NMS: variants seen among roughly 807,000 people sequenced by gnomAD.
NMS encodes the protein neuromedin S, also known as neuromedin-S.
Under a neutral mutation model 32.2 loss-of-function variants are expected in NMS, and 30 were observed. The observed-to-expected ratio is 0.93, with a 90% confidence interval of 0.70 to 1.26. The LOEUF is 1.26. Ranked by LOEUF, NMS falls within the 50% of genes most tolerant of loss-of-function variation. NMS has a pLI of 0.00. For missense variants in NMS, 190 were observed against 186.3 expected, an observed-to-expected ratio of 1.02 and a Z score of -0.12; for synonymous variants, 76 against 58.5, an observed-to-expected ratio of 1.30 and a Z score of -1.37.
intron 9 of NMS, 41 bp from the exon 10 acceptor site, chr2:100,483,211 T>C: frequency 2.5e-6 from 4 of 1,587,934 alleles, no homozygotes; most frequent in Non-Finnish European, 3.4e-6. Context: ...ATTCCGAGAA[T>C]GATTTGAACT....
chr2:100,473,620 A>C, intron 3 of NMS, 81 bp downstream of exon 3: 5 of 423,680 alleles, frequency 1.2e-5, no homozygotes, highest in African/African-American at 2.1e-5. Context: ...CTACAGGAGA[A>C]TGCTGTATGT....
chr2:100,482,232 G>A (rs1487631052), intron 8 of NMS, 45 bp from the exon 9 acceptor site: 2 of 1,591,220 alleles, frequency 1.3e-6, no homozygotes, highest in African/African-American at 2.7e-5. Context: ...ACAGGCTGCA[G>A]AAAGTTGTGT....
At position 100,472,828 on chromosome 2, in the gene NMS, G is replaced by A. The variant is rs752460974; in HGVS notation, c.110G>A (p.Gly37Asp). 2.5e-6 allele frequency: 4 copies of A among 1,610,992 alleles called. No homozygotes were observed. The Admixed American group carries it at 6.7e-5, about 27-fold the overall frequency. Residue 37 changes from glycine to aspartate, a missense_variant, in exon 2 of 10, where the codon GGC (glycine) becomes GAC (aspartate). Gly to Asp is a moderately conservative substitution (Grantham distance 94, BLOSUM62 -1). Transcript: ENST00000376865. ...FPQPLADPSD[G>D]LDIVQLEQLA... ...CAACCTTTAGCTGATCCTTCAGATG[G>A]CTTGGATATTGTGCAGCTTGAGGTA...
At position 100,483,276 on chromosome 2, in the gene NMS, AT is replaced by A; in HGVS notation, c.*13del. On this transcript the variant is annotated 3_prime_UTR_variant, in exon 10 of 10. Coordinates refer to ENST00000376865, the MANE Select transcript of NMS (RefSeq NM_001011717.1). ...GGATTCAGTGGTGAAAGAAAGCTGG[AT>A]CTGATGAGGCCTTCCAGGGATTATG... is the stretch of plus-strand genomic sequence containing the variant. The A allele has an allele frequency of 6.2e-7, 1 of 1,607,052 alleles. No individual in the cohort carries two copies. Among genetic ancestry groups the A allele is most frequent in the South Asian group, 1.1e-5 (1 of 90,706 alleles).
chr2:100,481,074 A>G, intron 7 of NMS, 52 bp from the exon 8 acceptor site: 1 of 1,592,736 alleles, frequency 6.3e-7, no homozygotes, highest in South Asian at 1.1e-5. Context: ...ATTTTTGAAG[A>G]ACTTGTAATG....
At chr2:100,472,128 C>G (rs558583849) in intron 1 of NMS, among the ~76,000 whole-genome samples, 1 of 152,324 alleles carries the variant, frequency 6.6e-6, no homozygotes, top group Non-Finnish European at 1.5e-5. Context: ...ATTCCCTGTT[C>G]CACACATTAA....
chr2:100,480,425 A>T, intron 6 of NMS, 71 bp from the exon 7 acceptor site: 2 of 1,487,128 alleles, frequency 1.3e-6, no homozygotes, highest in South Asian at 1.1e-5. Context: ...GGAGGGCAGG[A>T]TCACTGCAAG....
chr2:100,480,653 C>T (rs570564677), intron 7 of NMS, 122 bp downstream of exon 7: 18 of 908,938 alleles, frequency 2.0e-5, no homozygotes, highest in Non-Finnish European at 2.2e-5. Context: ...AGCTGGTCTC[C>T]AAAGGACCCT....
At chr2:100,477,327 C>T (rs771740074) in intron 4 of NMS, 34 bp from the exon 5 acceptor site, 2 of 1,607,156 alleles carry the variant, frequency 1.2e-6, no homozygotes, top group East Asian at 2.2e-5. Flanking sequence ...GCAAGTGACA[C>T]TCGATACTAA....
chr2:100,471,415 C>T (rs1677004552), intron 1 of NMS, among the ~76,000 whole-genome samples: 1 of 152,180 alleles, frequency 6.6e-6, no homozygotes, highest in African/African-American at 2.4e-5. Context: ...CCATGAAGGT[C>T]ATCTGGTTTA....
At chr2:100,472,921 C>A in intron 2 of NMS, 71 bp downstream of exon 2, 1 of 976,468 alleles carries the variant, frequency 1.0e-6, no homozygotes, top group South Asian at 1.5e-5. Flanking sequence ...GTATAATGTT[C>A]ACTTAAAACT....
At chr2:100,477,842 G>A (rs1677141199) in intron 5 of NMS, among the ~76,000 whole-genome samples, 1 of 152,164 alleles carries the variant, frequency 6.6e-6, no homozygotes, top group African/African-American at 2.4e-5. Context: ...ATGTGTATGT[G>A]CAAAGGGAAT....
At chr2:100,474,332 C>T (rs889879412) in intron 3 of NMS, among the ~76,000 whole-genome samples, 2 of 151,048 alleles carry the variant, frequency 1.3e-5, no homozygotes, top group East Asian at 1.9e-4. Flanking sequence ...CTTTATCCCT[C>T]ACCTCCCCCA....
intron 2 of NMS, 68 bp from the exon 3 acceptor site, chr2:100,473,421 C>A: frequency 2.5e-6 from 2 of 800,158 alleles, no homozygotes; most frequent in Non-Finnish European, 3.9e-6. Flanking sequence ...TATTTGATTA[C>A]CCATTAATCA....
At chr2:100,474,929 T>G (rs1183758597) in intron 3 of NMS, among the ~76,000 whole-genome samples, 2 of 152,188 alleles carry the variant, frequency 1.3e-5, no homozygotes, top group African/African-American at 4.8e-5. Flanking sequence ...CCTTTGTTAC[T>G]TCCTCCACAT....
In NMS at chr2:100,479,433, T is replaced by A. The variant is rs528767391; in HGVS notation, c.336+6T>A. 6.8e-6 allele frequency: 11 copies of A among 1,608,358 alleles called. No individual in the cohort carries two copies. The highest frequency in any genetic ancestry group is 8.5e-6 in the Non-Finnish European group (10 of 1,176,996). ...TGAAGAGAATTCTGCAGCGAGTACG[T>A]GCTTTTATTCTTCCACCATAGTTTA... On this transcript the variant is annotated splice_donor_region_variant and intron_variant, in intron 6 of 9. Coordinates refer to ENST00000376865, the MANE Select transcript of NMS (RefSeq NM_001011717.1).
intron 1 of NMS, among the ~76,000 whole-genome samples, chr2:100,471,124 A>G (rs1382840250): frequency 2.6e-5 from 4 of 152,306 alleles, no homozygotes; most frequent in African/African-American, 9.6e-5. Flanking sequence ...GGGTGCGGGC[A>G]TCGCCTCACC....
chr2:100,482,795 T>G (rs988092330), intron 9 of NMS, among the ~76,000 whole-genome samples: 9 of 152,216 alleles, frequency 5.9e-5, no homozygotes, highest in Admixed American at 1.3e-4. Context: ...ATCCAGAGTT[T>G]TAATCTGGAA....
intron 8 of NMS, among the ~76,000 whole-genome samples, chr2:100,481,606 G>A (rs539710815): frequency 6.6e-6 from 1 of 152,278 alleles, no homozygotes; most frequent in East Asian, 1.9e-4. Context: ...TTCACTAGCT[G>A]TGCTCCACCC....
Sources: gnomAD v4.1 joint callset for allele counts (sites outside exome capture counted in the v4.1 genomes callset) on GRCh38, gnomAD v4.1.1 for gene constraint, MANE v1.5 for transcripts, NCBI Gene and HGNC (gene_info 2026-07-23, HGNC 2026-07-21) for gene names.